Variants in CACNA1B observed in about 807,000 individuals in gnomAD.
CACNA1B encodes voltage-dependent N-type calcium channel subunit alpha-1B.
A neutral mutation model predicts 247.2 loss-of-function variants in CACNA1B; 70 were observed. The observed-to-expected ratio is 0.28, with a 90% CI of 0.23 to 0.35. The LOEUF (loss-of-function observed/expected upper bound fraction) is 0.35. CACNA1B is among the 10% of genes least tolerant of loss of function. The pLI is 1.00. For synonymous variants in CACNA1B, 1,231 were observed against 1,294.4 expected (o/e 0.95, Z 1.05); for missense variants, 2,367 against 3,197.4 (o/e 0.74, Z 6.26).
At chr9:137,984,043 C>A in intron 12 of CACNA1B, 95 bp from the exon 13 acceptor site, 3 of 869,824 alleles carry the variant, frequency 3.4e-6, no homozygotes, top group Non-Finnish European at 5.7e-6. Flanking sequence ...TGGTTCCTTA[C>A]GGAGAGGTGC....
rs1026473510 is a variant in CACNA1B at position 138,085,865 on chromosome 9, C to G, written c.5094+7607C>G. ...ACAAGCAAGAAGTGAGGGAATTCAT[C>G]ACCACTAGACCAGCCTTACAAGAAA... On this transcript the variant is annotated intron_variant, in intron 36 of 46. Coordinates refer to ENST00000371372, the MANE Select transcript of CACNA1B (RefSeq NM_000718.4). Among the ~76,000 whole-genome samples, 2 of 151,414 alleles carry G rather than the reference C, an allele frequency of 1.3e-5. 1 individual carries two copies. Among genetic ancestry groups the G allele is most frequent in the East Asian group, 4.1e-4 (2 of 4,934 alleles).
At chr9:138,109,576 C>T (rs547850887) in intron 39 of CACNA1B, among the ~76,000 whole-genome samples, 1 of 152,226 alleles carries the variant, frequency 6.6e-6, no homozygotes, top group East Asian at 1.9e-4. Context: ...TGGATCAGGG[C>T]CCCACAGGAA....
At chr9:137,892,454 G>A (rs1291727643) in intron 3 of CACNA1B, 2 of 422,842 alleles carry the variant, frequency 4.7e-6, no homozygotes, top group Non-Finnish European at 9.5e-6. Context: ...ATCGTGAAAT[G>A]GTTAGATGGT....
Position 138,057,941 on chromosome 9 carries a change from C to A in CACNA1B, c.4106+72C>A, listed in dbSNP as rs1959574929. The A allele has an allele frequency of 2.5e-6, 4 of 1,573,344 alleles. No homozygotes were observed. Among genetic ancestry groups the A allele is most frequent in the Non-Finnish European group, 3.5e-6 (4 of 1,148,466 alleles). ...GCTCGGCCTCCCTTCCTCCCTCTAT[C>A]CCTGGGCTCAGGCATGGAAGCAGAC... On this transcript the variant is annotated intron_variant, in intron 27 of 46. Transcript: ENST00000371372. The surrounding 1 kb of genome is among the most constrained non-coding windows in gnomAD (Gnocchi z 4.0).
intron 3 of CACNA1B, among the ~76,000 whole-genome samples, chr9:137,906,395 A>G (rs146877833): frequency 1.3e-5 from 2 of 152,288 alleles, no homozygotes; most frequent in East Asian, 3.9e-4. Context: ...TTACTTGGGA[A>G]TGGAATTGGA....
chr9:137,907,214 G>A (rs1166659553), intron 3 of CACNA1B, among the ~76,000 whole-genome samples: 2 of 152,194 alleles, frequency 1.3e-5, no homozygotes, highest in African/African-American at 4.8e-5. Context: ...ATGTTAACGT[G>A]CATAGGCTTA....
chr9:137,960,032 T>C (rs939737944), intron 10 of CACNA1B, among the ~76,000 whole-genome samples: 1 of 149,194 alleles, frequency 6.7e-6, no homozygotes, highest in Non-Finnish European at 1.5e-5. Flanking sequence ...TTGCAGGAAG[T>C]GAGGACGCCT....
chr9:138,122,026 C>T lies in CACNA1B; in HGVS notation c.*27C>T. The T allele has an allele frequency of 6.4e-7, 1 of 1,572,490 alleles. No individual in the cohort carries two copies. Among genetic ancestry groups the T allele is most frequent in the Non-Finnish European group, 8.6e-7 (1 of 1,163,284 alleles). On this transcript the variant is annotated 3_prime_UTR_variant, in exon 47 of 47. Coordinates refer to ENST00000371372, the MANE Select transcript of CACNA1B (RefSeq NM_000718.4). ...TGCACCGTGACCGCTCAGACGCCTG[C>T]ATGCAGCAGGCGTGTGTTCCAGTGG...
chr9:137,912,777 C>G (rs1278396203), intron 3 of CACNA1B, among the ~76,000 whole-genome samples: 2 of 152,134 alleles, frequency 1.3e-5, no homozygotes, highest in African/African-American at 4.8e-5. Flanking sequence ...GTCTCCACTC[C>G]TCTCAGAAGG....
At chr9:137,894,490 C>T (rs1205800361) in intron 3 of CACNA1B, among the ~76,000 whole-genome samples, 2 of 151,912 alleles carry the variant, frequency 1.3e-5, no homozygotes, top group African/African-American at 2.4e-5. Context: ...TCTCAGGTCA[C>T]TGCAAGCCCC....
At chr9:137,879,635 C>G (rs1480856972) in intron 2 of CACNA1B, among the ~76,000 whole-genome samples, 1 of 152,228 alleles carries the variant, frequency 6.6e-6, no homozygotes, top group African/African-American at 2.4e-5. Context: ...TCCAGTGGGC[C>G]TCACCATCCT....
At position 137,955,713 on chromosome 9, in the gene CACNA1B, G is replaced by T; in HGVS notation, c.1086G>T (p.Glu362Asp). 1 of 1,612,470 alleles carries T rather than the reference G, an allele frequency of 6.2e-7. No homozygotes were observed. The change falls in exon 8 of 47, where the codon GAG (glutamate) becomes GAT (aspartate). Residue 362 changes from glutamate (E) to aspartate (D), a missense_variant. Glu to Asp is a conservative substitution (Grantham distance 45, BLOSUM62 2). Around this residue, in one of 12 missense-constraint regions of CACNA1B, gnomAD observed 219 missense variants for 297.6 expected, o/e 0.74. Coordinates refer to ENST00000371372, the MANE Select transcript of CACNA1B (RefSeq NM_000718.4). The surrounding 1 kb of genome is among the most constrained non-coding windows in gnomAD (Gnocchi z 6.9). Reference protein sequence around the residue: ...LGVLSGEFAKERERVENRRAF... With the variant: ...LGVLSGEFAKDRERVENRRAF... ...TGCATGGTAGGGAGTTTGCCAAGGA[G>T]CGAGAGAGGGTGGAGAACCGCCGCG...
chr9:137,884,667 G>C (rs1956978046), intron 3 of CACNA1B, among the ~76,000 whole-genome samples: 1 of 151,622 alleles, frequency 6.6e-6, no homozygotes. Context: ...AATTGTTGGG[G>C]TGTAAGCAGT....
At chr9:138,053,116 C>A (rs964331538) in intron 25 of CACNA1B, among the ~76,000 whole-genome samples, 2 of 152,252 alleles carry the variant, frequency 1.3e-5, no homozygotes, top group Non-Finnish European at 2.9e-5. Flanking sequence ...ACTGCTTTAT[C>A]CTCAGTTTGC....
chr9:137,899,698 G>A lies in CACNA1B; in HGVS notation c.531-13482G>A, dbSNP rs987100221. Among the ~76,000 whole-genome samples the A allele has an allele frequency of 6.6e-6, 1 of 152,194 alleles. No individual in the cohort carries two copies. Among genetic ancestry groups the A allele is most frequent in the African/African-American group, 2.4e-5 (1 of 41,460 alleles). On this transcript the variant is annotated intron_variant, in intron 3 of 46. Coordinates refer to ENST00000371372, the MANE Select transcript of CACNA1B (RefSeq NM_000718.4). The surrounding 1 kb of genome is among the most constrained non-coding windows in gnomAD (Gnocchi z 5.0). ...GCTTCTGGGTGAGAACCAGTGCCTG[G>A]AAGGTCAGTGACAAAGCAGATCCTG...
chr9:137,972,000 G>A lies in CACNA1B; in HGVS notation c.1543+408G>A, dbSNP rs755504821. On this transcript the variant is annotated intron_variant, in intron 11 of 46. Transcript: ENST00000371372. The surrounding 1 kb of genome is among the most constrained non-coding windows in gnomAD (Gnocchi z 4.4). The stretch of plus-strand genomic sequence containing the variant: ...TTAGCCCCACGCTCCTTTCCACCAC[G>A]TGGCTGCTGATTCTGCCCCGGGTTC... 6.6e-6 allele frequency among the ~76,000 whole-genome samples: 1 copy of A among 152,256 alleles called. No individual in the cohort carries two copies. Among genetic ancestry groups the A allele is most frequent in the Non-Finnish European group, 1.5e-5 (1 of 68,000 alleles).
chr9:137,998,076 C>T (rs563526935), intron 15 of CACNA1B, among the ~76,000 whole-genome samples: 16 of 152,122 alleles, frequency 1.1e-4, no homozygotes, highest in South Asian at 8.3e-4. Context: ...GAATGATTAG[C>T]ACCAAATTCA....
At chr9:138,009,830 A>C (rs868653714) in intron 16 of CACNA1B, among the ~76,000 whole-genome samples, 180 bp from the exon 17 acceptor site, 1 of 151,904 alleles carries the variant, frequency 6.6e-6, no homozygotes, top group Non-Finnish European at 1.5e-5. Context: ...AGGATGGAAC[A>C]GGGGGCTGGA....
At position 137,897,408 on chromosome 9, in the gene CACNA1B, C is replaced by T. The variant is rs1338984983; in HGVS notation, c.530+14525C>T. The stretch of plus-strand genomic sequence containing the variant: ...CAGCCTGGCTAACATGGTGAAACCC[C>T]ATCTCTACTAAAAATACAAAAATTA... On this transcript the variant is annotated intron_variant, in intron 3 of 46. Coordinates refer to ENST00000371372, the MANE Select transcript of CACNA1B (RefSeq NM_000718.4). Among the ~76,000 whole-genome samples, 12 of 152,132 alleles carry T rather than the reference C, an allele frequency of 7.9e-5. No homozygotes were observed. In the South Asian group the frequency reaches 2.5e-3, roughly 32 times the overall value.
Sources: allele counts gnomAD v4.1 joint callset (sites outside exome capture counted in the v4.1 genomes callset), GRCh38; gene constraint gnomAD v4.1.1; regional missense constraint gnomAD v4.1.1; non-coding constraint Gnocchi (gnomAD v3.1); transcripts MANE v1.5; gene names NCBI Gene and HGNC (gene_info 2026-07-23, HGNC 2026-07-21).